ERBIN: variants seen among roughly 807,000 people sequenced by gnomAD.
The protein encoded by ERBIN is erbb2 interacting protein.
ERBIN carries 60 observed loss-of-function variants against 158.4 expected under a neutral mutation model. The ratio of observed to expected loss-of-function variants is 0.38; its 90% confidence interval spans 0.31 to 0.47. ERBIN has a LOEUF of 0.47. Ranked by LOEUF, ERBIN falls within the 20% of genes least tolerant of loss-of-function variation. The probability of loss-of-function intolerance (pLI) is 0.99; values close to 1 mark genes in which losing one functional copy is unlikely to be tolerated. For missense variants in ERBIN, 1,610 were observed against 1,648.0 expected (o/e 0.98, Z 0.40); for synonymous variants, 594 against 557.2 (o/e 1.07, Z -0.93).
intron 21 of ERBIN, among the ~76,000 whole-genome samples, chr5:66,064,900 A>G (rs984273241): frequency 1.3e-5 from 2 of 152,114 alleles, no homozygotes; most frequent in Non-Finnish European, 2.9e-5. Context: ...GGGTCTCACT[A>G]TGTTGCCCAG....
At chr5:65,964,835 C>T (rs1052717170) in intron 1 of ERBIN, among the ~76,000 whole-genome samples, 1 of 150,284 alleles carries the variant, frequency 6.7e-6, no homozygotes, top group African/African-American at 2.5e-5. Context: ...CTCTGCCTTC[C>T]AGGTTCAAGC....
chr5:65,945,741 C>G (rs918188602), intron 1 of ERBIN, among the ~76,000 whole-genome samples: 9 of 152,076 alleles, frequency 5.9e-5, no homozygotes, highest in African/African-American at 2.2e-4. Context: ...CTCTCTACTA[C>G]CAGTTTATAA....
intron 1 of ERBIN, among the ~76,000 whole-genome samples, chr5:65,930,600 T>G (rs1299286978): frequency 1.3e-5 from 2 of 152,176 alleles, no homozygotes; most frequent in African/African-American, 4.8e-5. Context: ...GAGCCACCGC[T>G]CCCGGCCATT....
chr5:65,974,620 T>C (rs998840986), intron 1 of ERBIN, among the ~76,000 whole-genome samples: 56 of 152,362 alleles, frequency 3.7e-4, no homozygotes, highest in African/African-American at 1.3e-3. Flanking sequence ...TAGGTCATTC[T>C]CTAGACAGAC....
At position 66,054,249 on chromosome 5, in the gene ERBIN, T is replaced by C; in HGVS notation, c.2931T>C (p.Tyr977=). ...SAPQIYGPPQ[Y]NIQYSSSAAV... is the part of the protein sequence containing the mutation. ...CTCAAATATATGGTCCTCCACAGTA[T>C]AATATCCAATACAGTAGCAGTGCTG... is the stretch of plus-strand genomic sequence containing the variant. The change falls in exon 21 of 26, where the codon TAT becomes TAC. Residue 977 remains tyrosine, a synonymous_variant. Coordinates refer to ENST00000284037, the MANE Select transcript of ERBIN (RefSeq NM_001253697.2). The C allele has an allele frequency of 1.2e-6, 2 of 1,614,122 alleles. No homozygotes were observed. The highest frequency in any genetic ancestry group is 2.2e-5 in the South Asian group (2 of 91,074).
chr5:66,077,759 T>TAC (rs70987111), intron 25 of ERBIN, among the ~76,000 whole-genome samples: 22,760 of 139,154 alleles, frequency 0.16, 1,719 homozygotes, highest in Middle Eastern at 0.29. Flanking sequence ...TCCCTCCCTC[T>TAC]ACACACACAC....
rs973349121 is a variant in ERBIN at position 66,080,603 on chromosome 5, G to C, written c.*2073G>C. On this transcript the variant is annotated 3_prime_UTR_variant, in exon 26 of 26. Coordinates refer to ENST00000284037, the MANE Select transcript of ERBIN (RefSeq NM_001253697.2). ...GCTAACATTTCTTTTATTGATTTCA[G>C]ATTTTCACAGGCACATTCTACTTTT... 1 of 151,780 alleles carries C rather than the reference G, an allele frequency of 6.6e-6. No individual in the cohort carries two copies. Among genetic ancestry groups the C allele is most frequent in the Non-Finnish European group, 1.5e-5 (1 of 67,844 alleles). The allele number at this position is 151,780 out of a possible 1,614,324, so 9.4% of individuals were successfully genotyped here.
chr5:66,003,636 G>C (rs986313580), intron 4 of ERBIN, among the ~76,000 whole-genome samples: 2 of 152,062 alleles, frequency 1.3e-5, no homozygotes, highest in East Asian at 1.9e-4. Flanking sequence ...ATGTGTTTTT[G>C]TCTTGATATA....
At chr5:66,073,674 A>G (rs188382731) in intron 22 of ERBIN, among the ~76,000 whole-genome samples, 8 of 152,246 alleles carry the variant, frequency 5.3e-5, no homozygotes, top group East Asian at 1.9e-4. Context: ...AAGTGTTGCC[A>G]TATCTTTCTG....
rs1409072333 is a variant in ERBIN, at chr5:66,023,381, T to C, written c.672+17T>C. On this transcript the variant is annotated intron_variant, in intron 9 of 25. Coordinates refer to ENST00000284037, the MANE Select transcript of ERBIN (RefSeq NM_001253697.2). ...ATTCCAGGGGTATGTATATGAGATTTTAAATGGCATCACTTATTTCTGGCT... is the reference window on the plus strand; with the variant it reads ...ATTCCAGGGGTATGTATATGAGATTCTAAATGGCATCACTTATTTCTGGCT... The C allele has an allele frequency of 6.5e-7, 1 of 1,536,704 alleles. No individual in the cohort carries two copies. The highest frequency in any genetic ancestry group is 8.9e-7 in the Non-Finnish European group (1 of 1,117,882).
At chr5:65,952,409 C>T (rs1385064149) in intron 1 of ERBIN, among the ~76,000 whole-genome samples, 1 of 152,022 alleles carries the variant, frequency 6.6e-6, no homozygotes, top group Non-Finnish European at 1.5e-5. Flanking sequence ...AGTTCAGTGG[C>T]TATTCATAGG....
intron 1 of ERBIN, among the ~76,000 whole-genome samples, chr5:65,940,695 G>T (rs1284642026): frequency 6.9e-6 from 1 of 145,954 alleles, no homozygotes; most frequent in Admixed American, 6.7e-5. Context: ...AGGGAGGTGG[G>T]GGGGTCAGCC....
At chr5:66,065,635 G>A (rs924553467) in intron 21 of ERBIN, among the ~76,000 whole-genome samples, 16 of 135,404 alleles carry the variant, frequency 1.2e-4, no homozygotes, top group African/African-American at 4.6e-4. Flanking sequence ...GTGTGTGTGT[G>A]TGTGTGTGTG....
At position 66,021,646 on chromosome 5, in the gene ERBIN, A is replaced by G. The variant is rs143855492; in HGVS notation, c.597+261A>G. Among the ~76,000 whole-genome samples the G allele has an allele frequency of 4.3e-3, 649 of 152,212 alleles. 6 individuals carry two copies. The highest frequency in any genetic ancestry group is 0.014 in the African/African-American group (597 of 41,554). ...GATACTAAACAATTTTTAGCATAGG[A>G]AGCAGAAAATTTGAGTGATTATAAG... On this transcript the variant is annotated intron_variant, in intron 8 of 25. Coordinates refer to ENST00000284037, the MANE Select transcript of ERBIN (RefSeq NM_001253697.2).
At chr5:65,944,222 TTTTA>T (rs371545193) in intron 1 of ERBIN, among the ~76,000 whole-genome samples, 1,354 of 66,910 alleles carry the variant, frequency 0.02, 20 homozygotes, top group African/African-American at 0.044. Context: ...TTTTTTTTTT[TTTTA>T]AGGAACCACC....
intron 21 of ERBIN, among the ~76,000 whole-genome samples, chr5:66,056,778 G>A (rs1019065853): frequency 6.6e-6 from 1 of 152,092 alleles, no homozygotes; most frequent in African/African-American, 2.4e-5. Flanking sequence ...GTTACGAGGG[G>A]TGCTTGTTCT....
At chr5:65,991,187 G>A (rs1453030211) in intron 2 of ERBIN, among the ~76,000 whole-genome samples, 1 of 152,158 alleles carries the variant, frequency 6.6e-6, no homozygotes, top group East Asian at 1.9e-4. Flanking sequence ...ACAGCTTGAG[G>A]CAAAAGGAAA....
At chr5:65,948,341 A>ATT (rs77691090) in intron 1 of ERBIN, among the ~76,000 whole-genome samples, 3 of 144,214 alleles carry the variant, frequency 2.1e-5, no homozygotes. Flanking sequence ...TGACTGGCTA[A>ATT]TTTTTTTTTT....
In ERBIN at chr5:66,046,415, A is replaced by T. The variant is rs748825327; in HGVS notation, c.1665A>T (p.Gly555=). The change falls in exon 18 of 26, where the codon GGA becomes GGT. Residue 555 remains glycine, a synonymous_variant. Coordinates refer to ENST00000284037, the MANE Select transcript of ERBIN (RefSeq NM_001253697.2). ...ATGAAAGAGAAAAATATATGATAGG[A>T]AACTCTGTACAGAAGATCAGTGAAC... ...KVDEREKYMI[G]NSVQKISEPE... is the part of the protein sequence containing the mutation. The T allele has an allele frequency of 6.8e-6, 11 of 1,608,210 alleles. No individual in the cohort carries two copies. Among genetic ancestry groups the T allele is most frequent in the African/African-American group, 1.3e-5 (1 of 74,808 alleles).
Sources: gnomAD v4.1 joint callset for allele counts (sites outside exome capture counted in the v4.1 genomes callset) on GRCh38, gnomAD v4.1.1 for gene constraint, MANE v1.5 for transcripts, NCBI Gene and HGNC (gene_info 2026-07-23, HGNC 2026-07-21) for gene names.